Variants in LY86 observed in about 807,000 individuals in gnomAD.
The protein encoded by LY86 is MD-1, RP105-associated.
In LY86, 20 loss-of-function variants were observed where a neutral mutation model predicts 17.3. That is an observed-to-expected ratio of 1.15 (90% CI 0.81 to 1.68). The LOEUF is 1.68. Among genes scored for constraint, LY86 ranks in the 40% most tolerant of loss-of-function variants. The pLI is 0.00. For synonymous variants in LY86, 74 were observed against 70.6 expected (o/e 1.05, Z -0.24); for missense variants, 200 against 191.9 (o/e 1.04, Z -0.25).
At chr6:6,641,254 T>C (rs1229334899) in intron 3 of LY86, among the ~76,000 whole-genome samples, 1 of 152,240 alleles carries the variant, frequency 6.6e-6, no homozygotes, top group Non-Finnish European at 1.5e-5. Context: ...GTCCCAAAGT[T>C]TTCAAATCCA....
intron 1 of LY86, among the ~76,000 whole-genome samples, chr6:6,610,965 GA>G (rs1761316994): frequency 6.6e-6 from 1 of 152,188 alleles, no homozygotes; most frequent in South Asian, 2.1e-4. Flanking sequence ...GAAGAAGACA[GA>G]AGTCTACCTT....
chr6:6,643,289 G>A (rs1232070595), intron 3 of LY86, among the ~76,000 whole-genome samples: 4 of 152,150 alleles, frequency 2.6e-5, no homozygotes, highest in East Asian at 1.9e-4. Flanking sequence ...CAGATGAATG[G>A]ATAAAGACAA....
intron 3 of LY86, among the ~76,000 whole-genome samples, chr6:6,636,773 T>C (rs187999201): frequency 1.1e-4 from 17 of 152,198 alleles, no homozygotes; most frequent in Admixed American, 3.3e-4. Flanking sequence ...GTCTCCAGAC[T>C]TCAATGGTAG....
intron 4 of LY86, among the ~76,000 whole-genome samples, chr6:6,652,954 A>G (rs1029467960): frequency 4.6e-5 from 7 of 152,238 alleles, no homozygotes; most frequent in African/African-American, 1.4e-4. Flanking sequence ...TTTAAAGAAA[A>G]GTACATGAGG....
intron 3 of LY86, among the ~76,000 whole-genome samples, chr6:6,627,307 A>C (rs1429427413): frequency 6.6e-6 from 1 of 152,162 alleles, no homozygotes; most frequent in East Asian, 1.9e-4. Flanking sequence ...GAAATGCTGC[A>C]ATTACTCCTT....
chr6:6,611,470 G>C (rs1331161551), intron 1 of LY86, among the ~76,000 whole-genome samples: 1 of 152,160 alleles, frequency 6.6e-6, no homozygotes, highest in Non-Finnish European at 1.5e-5. Context: ...GACCTGCTGT[G>C]GAAAGAGCTA....
chr6:6,603,004 C>T (rs772466069), intron 1 of LY86, among the ~76,000 whole-genome samples: 1 of 152,088 alleles, frequency 6.6e-6, no homozygotes, highest in African/African-American at 2.4e-5. Context: ...GTTCTAGAGG[C>T]CAGGGAGTCG....
intron 1 of LY86, among the ~76,000 whole-genome samples, chr6:6,622,090 G>A (rs543422283): frequency 2.4e-4 from 36 of 152,094 alleles, no homozygotes; most frequent in Non-Finnish European, 4.4e-4. Context: ...ACCCTTAAGC[G>A]CTTTTTAAGC....
intron 1 of LY86, among the ~76,000 whole-genome samples, chr6:6,598,324 G>GAT (rs1218159343): frequency 2.0e-5 from 3 of 151,660 alleles, no homozygotes; most frequent in Admixed American, 2.0e-4. Context: ...TCAAAATACT[G>GAT]ATACCATGAG....
At chr6:6,620,020 G>C (rs1179348384) in intron 1 of LY86, among the ~76,000 whole-genome samples, 1 of 152,136 alleles carries the variant, frequency 6.6e-6, no homozygotes, top group African/African-American at 2.4e-5. Flanking sequence ...AGGGGGGTCA[G>C]CTCCTTTTCA....
intron 3 of LY86, among the ~76,000 whole-genome samples, chr6:6,639,823 G>A (rs1427279990): frequency 6.6e-6 from 1 of 152,122 alleles, no homozygotes; most frequent in Non-Finnish European, 1.5e-5. Context: ...CTTTTGGGGG[G>A]TCCTGCACAA....
At chr6:6,623,860 A>C (rs1207653618) in intron 1 of LY86, among the ~76,000 whole-genome samples, 2 of 152,214 alleles carry the variant, frequency 1.3e-5, no homozygotes, top group East Asian at 3.8e-4. Context: ...ACAAGAAACC[A>C]GCTCTGGCCT....
chr6:6,651,490 G>A (rs1762186106), intron 4 of LY86, among the ~76,000 whole-genome samples: 1 of 152,060 alleles, frequency 6.6e-6, no homozygotes, highest in Non-Finnish European at 1.5e-5. Context: ...CAAAAGTTTT[G>A]CAAGAAAGAA....
Position 6,591,882 on chromosome 6 carries a change from A to C in LY86, c.136+3012A>C, listed in dbSNP as rs1441923584. On this transcript the variant is annotated intron_variant, in intron 1 of 4. Coordinates refer to ENST00000230568, the MANE Select transcript of LY86 (RefSeq NM_004271.4). ...GACAATGACATGCGTGAAGGCAGGAAAATGGGACCAGGCACAGGGTTCAGG... is the reference window on the plus strand; with the variant it reads ...GACAATGACATGCGTGAAGGCAGGACAATGGGACCAGGCACAGGGTTCAGG... 2.0e-5 allele frequency among the ~76,000 whole-genome samples: 3 copies of C among 152,188 alleles called. No homozygotes were observed. The South Asian group carries it at 6.2e-4, about 32-fold the overall frequency.
chr6:6,592,067 A>G (rs1157903238), intron 1 of LY86, among the ~76,000 whole-genome samples: 12 of 152,144 alleles, frequency 7.9e-5, no homozygotes, highest in Non-Finnish European at 1.5e-4. Context: ...ATTGGAAGCT[A>G]TTTGAGGCTG....
intron 1 of LY86, among the ~76,000 whole-genome samples, chr6:6,604,369 A>G (rs1761025972): frequency 6.6e-6 from 1 of 152,228 alleles, no homozygotes; most frequent in Non-Finnish European, 1.5e-5. Flanking sequence ...ATGAGAAAAA[A>G]ATAGTATCAA....
chr6:6,625,726 A>G lies in LY86; in HGVS notation c.224-567A>G, dbSNP rs145995275. On this transcript the variant is annotated intron_variant, in intron 2 of 4. Transcript: ENST00000230568. ...TTGTATTTCTAGAATCTTACACAGT[A>G]TCTGGACTCTAGCAGCAGCTGGAGA... 2.0e-5 allele frequency among the ~76,000 whole-genome samples: 3 copies of G among 152,354 alleles called. 1 individual carries two copies. Among genetic ancestry groups the G allele is most frequent in the African/African-American group, 7.2e-5 (3 of 41,580 alleles).
intron 1 of LY86, among the ~76,000 whole-genome samples, chr6:6,606,961 G>C (rs970447570): frequency 6.6e-6 from 1 of 152,294 alleles, no homozygotes; most frequent in African/African-American, 2.4e-5. Context: ...TGAGGGCTGT[G>C]AGGGCTGCCA....
intron 1 of LY86, among the ~76,000 whole-genome samples, chr6:6,604,515 G>A (rs535542190): frequency 2.7e-4 from 41 of 152,172 alleles, no homozygotes; most frequent in Middle Eastern, 3.4e-3. Flanking sequence ...CTGGATGAAA[G>A]GTCTAGAGCT....
Sources: allele counts gnomAD v4.1 joint callset (sites outside exome capture counted in the v4.1 genomes callset), GRCh38; gene constraint gnomAD v4.1.1; transcripts MANE v1.5; gene names NCBI Gene and HGNC (gene_info 2026-07-23, HGNC 2026-07-21).